CPNE4: variants seen among roughly 807,000 people sequenced by gnomAD.
CPNE4 encodes copine-4.
In CPNE4, 25 loss-of-function variants were observed where a neutral mutation model predicts 67.9. That is an observed-to-expected ratio of 0.37 (90% CI 0.27 to 0.51). The LOEUF (loss-of-function observed/expected upper bound fraction) is 0.51, where lower values mean the gene tolerates loss of function less well. Among genes scored for constraint, CPNE4 ranks in the 20% least tolerant of loss-of-function variants. The probability of loss-of-function intolerance (pLI) is 0.93; values close to 1 mark genes in which losing one functional copy is unlikely to be tolerated. For synonymous variants in CPNE4, 242 were observed against 244.9 expected (o/e 0.99, Z 0.11); for missense variants, 464 against 690.8 (o/e 0.67, Z 3.68).
chr3:131,902,021 C>A (rs1421091475), intron 2 of CPNE4, among the ~76,000 whole-genome samples: 2 of 152,032 alleles, frequency 1.3e-5, no homozygotes, highest in East Asian at 3.9e-4. Context: ...TTTGCAGCTT[C>A]TTTGTTACTA....
chr3:131,872,356 C>T (rs997002740), intron 2 of CPNE4, among the ~76,000 whole-genome samples: 3 of 152,104 alleles, frequency 2.0e-5, no homozygotes, highest in African/African-American at 7.2e-5. Context: ...TTCAGTCTGA[C>T]GACCAGCTGG....
intron 2 of CPNE4, among the ~76,000 whole-genome samples, chr3:131,839,789 GT>G (rs1351238864): frequency 6.6e-6 from 1 of 152,100 alleles, no homozygotes; most frequent in Non-Finnish European, 1.5e-5. Context: ...CTGGCACCTA[GT>G]TATTGTGTTG....
At chr3:131,537,902 A>G (rs1055908157) in intron 15 of CPNE4, among the ~76,000 whole-genome samples, 5 of 152,166 alleles carry the variant, frequency 3.3e-5, no homozygotes, top group Non-Finnish European at 7.3e-5. Flanking sequence ...GGGTTTCTCA[A>G]TCTTGACACT....
intron 2 of CPNE4, among the ~76,000 whole-genome samples, chr3:131,854,572 C>A (rs1191294431): frequency 6.6e-6 from 1 of 151,692 alleles, no homozygotes; most frequent in Non-Finnish European, 1.5e-5. Context: ...AAATGGTTCC[C>A]AAAATCCCAA....
chr3:131,839,209 G>T (rs756643968), intron 2 of CPNE4, among the ~76,000 whole-genome samples: 21 of 151,732 alleles, frequency 1.4e-4, no homozygotes, highest in Non-Finnish European at 2.8e-4. Context: ...TTTTTTGAAA[G>T]AAAATACTTG....
intron 3 of CPNE4, among the ~76,000 whole-genome samples, chr3:131,708,693 C>T (rs1038544187): frequency 6.6e-6 from 1 of 151,836 alleles, no homozygotes; most frequent in African/African-American, 2.4e-5. Context: ...ATGGCGAAGG[C>T]TCTGTGGGGG....
intron 3 of CPNE4, among the ~76,000 whole-genome samples, chr3:131,707,792 A>T (rs1021018790): frequency 6.6e-6 from 1 of 152,074 alleles, no homozygotes; most frequent in Non-Finnish European, 1.5e-5. Context: ...AACCACTACA[A>T]GGGCCACTGA....
At chr3:132,011,650 T>C (rs1272556739) in intron 1 of CPNE4, among the ~76,000 whole-genome samples, 1 of 152,194 alleles carries the variant, frequency 6.6e-6, no homozygotes, top group East Asian at 1.9e-4. Flanking sequence ...CAGCATAGAA[T>C]AGCTATGAGA....
chr3:131,977,638 A>C (rs766322536), intron 1 of CPNE4, among the ~76,000 whole-genome samples: 1 of 151,996 alleles, frequency 6.6e-6, no homozygotes, highest in Non-Finnish European at 1.5e-5. Context: ...CATCTCCTCT[A>C]TGCGGTTCTT....
At chr3:131,709,024 T>G (rs1279924098) in intron 3 of CPNE4, among the ~76,000 whole-genome samples, 1 of 117,300 alleles carries the variant, frequency 8.5e-6, no homozygotes, top group South Asian at 3.0e-4. Flanking sequence ...ATAATACTCA[T>G]AAAAATGTTA....
intron 1 of CPNE4, among the ~76,000 whole-genome samples, chr3:131,954,930 A>G (rs913399723): frequency 2.7e-5 from 4 of 148,534 alleles, no homozygotes; most frequent in African/African-American, 7.4e-5. Context: ...AGTCTTTGCT[A>G]TTGTGAACAG....
chr3:131,970,718 T>C (rs2107946477), intron 1 of CPNE4, among the ~76,000 whole-genome samples: 1 of 152,260 alleles, frequency 6.6e-6, no homozygotes, highest in South Asian at 2.1e-4. Context: ...TCACATTAGA[T>C]TTCATGATCT....
chr3:131,729,812 T>C (rs140453194), intron 2 of CPNE4, among the ~76,000 whole-genome samples: 2 of 152,350 alleles, frequency 1.3e-5, no homozygotes, highest in East Asian at 3.9e-4. Context: ...CACTAGTTCC[T>C]AGGACTAAAA....
intron 14 of CPNE4, among the ~76,000 whole-genome samples, chr3:131,546,803 G>T (rs1175764385): frequency 6.6e-6 from 1 of 152,074 alleles, no homozygotes; most frequent in Non-Finnish European, 1.5e-5. Context: ...TTTTAAACTG[G>T]GCCCCAGGGA....
chr3:131,987,246 G>C (rs11705927), intron 1 of CPNE4, among the ~76,000 whole-genome samples: 24,015 of 152,170 alleles, frequency 0.16, 2,329 homozygotes, highest in Non-Finnish European at 0.21. Context: ...GGTTGCCTCT[G>C]GGAGAGTATT....
At chr3:131,964,133 C>T (rs1456730858) in intron 1 of CPNE4, among the ~76,000 whole-genome samples, 1 of 152,002 alleles carries the variant, frequency 6.6e-6, no homozygotes, top group African/African-American at 2.4e-5. Flanking sequence ...AGCAGAGGGG[C>T]CTGTTAGAAG....
chr3:131,624,759 C>T (rs1226393423), intron 7 of CPNE4, among the ~76,000 whole-genome samples: 2 of 150,866 alleles, frequency 1.3e-5, no homozygotes, highest in African/African-American at 4.9e-5. Context: ...AGCGGAATAA[C>T]GTTTCTCCTA....
chr3:131,633,936 T>C (rs1410047351), intron 7 of CPNE4, among the ~76,000 whole-genome samples: 1 of 152,178 alleles, frequency 6.6e-6, no homozygotes, highest in African/African-American at 2.4e-5. Flanking sequence ...CTACTATTGT[T>C]GTTACTACTC....
intron 2 of CPNE4, among the ~76,000 whole-genome samples, chr3:131,864,294 G>C (rs984393775): frequency 3.3e-5 from 5 of 151,848 alleles, no homozygotes; most frequent in African/African-American, 9.7e-5. Context: ...AATTACCTTA[G>C]GCAGTATGGC....
Sources: allele counts gnomAD v4.1 joint callset (sites outside exome capture counted in the v4.1 genomes callset), GRCh38; gene constraint gnomAD v4.1.1; transcripts MANE v1.5; gene names NCBI Gene and HGNC (gene_info 2026-07-23, HGNC 2026-07-21).